The following MAF variants were observed in gnomAD, a reference collection of about 807,000 sequenced individuals.
MAF encodes the protein MAF bZIP transcription factor.
A neutral mutation model predicts 22.0 loss-of-function variants in MAF; 10 were observed. That is an observed-to-expected ratio of 0.45 (90% CI 0.28 to 0.77). The LOEUF is 0.77. MAF is among the 30% of genes least tolerant of loss of function. The pLI is 0.12. For missense variants in MAF, 544 were observed against 548.4 expected, an observed-to-expected ratio of 0.99 and a Z score of 0.08; for synonymous variants, 337 against 255.8, an observed-to-expected ratio of 1.32 and a Z score of -3.03.
the MAF span, among the ~76,000 whole-genome samples, chr16:79,384,167 G>T: frequency 6.6e-6 from 1 of 152,118 alleles, no homozygotes; most frequent in African/African-American, 2.4e-5. Context: ...GTGATGGCCG[G>T]GGGTGGTGAC....
At chr16:79,292,416 G>C in the MAF span, among the ~76,000 whole-genome samples, 1 of 152,168 alleles carries the variant, frequency 6.6e-6, no homozygotes, top group Non-Finnish European at 1.5e-5. Context: ...CCTGAAGAGG[G>C]AGGATGGCCC....
chr16:79,563,137 T>C, the MAF span, among the ~76,000 whole-genome samples: 3 of 152,148 alleles, frequency 2.0e-5, no homozygotes, highest in African/African-American at 7.2e-5. Flanking sequence ...CTGAAGGCTG[T>C]ACCCATAAAG....
chr16:79,531,610 C>A, the MAF span, among the ~76,000 whole-genome samples: 1 of 152,072 alleles, frequency 6.6e-6, no homozygotes, highest in Admixed American at 6.6e-5. Flanking sequence ...ATAAGGAGGG[C>A]ACAACCTAGA....
the MAF span, among the ~76,000 whole-genome samples, chr16:79,568,209 C>G: frequency 6.6e-6 from 1 of 152,172 alleles, no homozygotes; most frequent in Non-Finnish European, 1.5e-5. Flanking sequence ...GGCTGTAGTT[C>G]AGATAGGAGC....
chr16:79,282,918 A>G, the MAF span, among the ~76,000 whole-genome samples: 111,023 of 152,050 alleles, frequency 0.73, 41,007 homozygotes, highest in Admixed American at 0.77. Context: ...GAGTTTCATC[A>G]AAGGCATGTT....
chr16:79,439,006 C>T, the MAF span, among the ~76,000 whole-genome samples: 1 of 152,054 alleles, frequency 6.6e-6, no homozygotes, highest in Non-Finnish European at 1.5e-5. Flanking sequence ...GACTTCAGGC[C>T]TGTCCACCTC....
chr16:79,260,449 G>C, the MAF span, among the ~76,000 whole-genome samples: 1 of 104,490 alleles, frequency 9.6e-6, no homozygotes, highest in African/African-American at 3.3e-5. Flanking sequence ...ACCATGCCTG[G>C]CTCATGTATC....
chr16:79,390,012 A>C, the MAF span, among the ~76,000 whole-genome samples: 1 of 151,308 alleles, frequency 6.6e-6, no homozygotes, highest in Admixed American at 6.6e-5. Context: ...AATTAAAATA[A>C]AAAAAAATCC....
chr16:79,266,128 C>A, the MAF span, among the ~76,000 whole-genome samples: 5 of 152,170 alleles, frequency 3.3e-5, no homozygotes, highest in East Asian at 9.6e-4. Flanking sequence ...CCTGACTTGA[C>A]CTCCCAAAGT....
At chr16:79,233,717 G>T in the MAF span, among the ~76,000 whole-genome samples, 1 of 151,990 alleles carries the variant, frequency 6.6e-6, no homozygotes, top group Non-Finnish European at 1.5e-5. Flanking sequence ...TATATAGCTG[G>T]GCACAGTGGC....
the MAF span, among the ~76,000 whole-genome samples, chr16:79,225,400 A>G: frequency 6.6e-5 from 10 of 152,236 alleles, no homozygotes; most frequent in Non-Finnish European, 1.5e-4. Flanking sequence ...ACCTAAAACC[A>G]TAAAAACCCT....
the MAF span, among the ~76,000 whole-genome samples, chr16:79,575,147 AC>A: frequency 6.6e-6 from 1 of 151,670 alleles, no homozygotes; most frequent in Admixed American, 6.6e-5. Flanking sequence ...AGATTCAGAG[AC>A]CCGTTTATGC....
the MAF span, among the ~76,000 whole-genome samples, chr16:79,344,488 G>C: frequency 6.6e-6 from 1 of 152,138 alleles, no homozygotes; most frequent in African/African-American, 2.4e-5. Flanking sequence ...GCATACATCA[G>C]GACTGTCCCA....
downstream of MAF, among the ~76,000 whole-genome samples, chr16:79,582,275 A>G (rs1912566916): frequency 6.6e-6 from 1 of 152,236 alleles, no homozygotes; most frequent in Non-Finnish European, 1.5e-5. Context: ...GCATCTGTGA[A>G]CGGCGGCAGT....
chr16:79,361,770 C>T, the MAF span, among the ~76,000 whole-genome samples: 2 of 151,784 alleles, frequency 1.3e-5, no homozygotes, highest in African/African-American at 4.8e-5. Context: ...CACAAGCTGA[C>T]ATTGTTTTGA....
the MAF span, among the ~76,000 whole-genome samples, chr16:79,315,924 G>T: frequency 2.0e-5 from 3 of 152,298 alleles, no homozygotes; most frequent in African/African-American, 7.2e-5. Flanking sequence ...GGTGTGTGGG[G>T]GTCCCCGCTG....
the MAF span, among the ~76,000 whole-genome samples, chr16:79,341,835 A>G: frequency 6.6e-6 from 1 of 152,152 alleles, no homozygotes; most frequent in Non-Finnish European, 1.5e-5. Flanking sequence ...TGGAGAGTTG[A>G]GACTCATCCT....
the MAF span, among the ~76,000 whole-genome samples, chr16:79,396,783 G>A: frequency 1.3e-5 from 2 of 152,248 alleles, no homozygotes; most frequent in African/African-American, 2.4e-5. Flanking sequence ...GTTCTGGGGT[G>A]CAACCCCAGT....
At chr16:79,544,209 C>T in the MAF span, among the ~76,000 whole-genome samples, 876 of 152,284 alleles carry the variant, frequency 5.8e-3, 10 homozygotes, top group African/African-American at 0.02. Context: ...CAGTTCAACA[C>T]AGTAGGAACT....
Sources: gnomAD v4.1 joint callset for allele counts (sites outside exome capture counted in the v4.1 genomes callset) on GRCh38, gnomAD v4.1.1 for gene constraint, MANE v1.5 for transcripts, NCBI Gene and HGNC (gene_info 2026-07-23, HGNC 2026-07-21) for gene names.